Variants in ECI2 observed in about 807,000 individuals in gnomAD.
The protein encoded by ECI2 is enoyl-CoA delta isomerase 2.
A neutral mutation model predicts 38.4 loss-of-function variants in ECI2; 27 were observed. The observed-to-expected ratio is 0.70, with a 90% CI of 0.52 to 0.97. The LOEUF (loss-of-function observed/expected upper bound fraction) is 0.97, where lower values mean the gene tolerates loss of function less well. Ranked by LOEUF, ECI2 falls within the 50% of genes least tolerant of loss-of-function variation. The pLI is 0.00. For missense variants in ECI2, 470 were observed against 474.4 expected, an observed-to-expected ratio of 0.99 and a Z score of 0.09; for synonymous variants, 168 against 172.0, an observed-to-expected ratio of 0.98 and a Z score of 0.18.
At position 4,116,005 on chromosome 6, in the gene ECI2, T is replaced by C. The variant is rs746427545; in HGVS notation, c.1054A>G (p.Ile352Val). Reference protein sequence around the residue: ...PNALRISKEVIRKREREKLHA... With the variant: ...PNALRISKEVVRKREREKLHA... The stretch of plus-strand genomic sequence containing the variant: ...AGTTTTTCTCTCTCTCTTTTCCTGA[T>C]TACCTCTTTTGAAATTCTCAAGGCC... Residue 352 changes from isoleucine (I) to valine (V), a missense_variant, in exon 10 of 10, where the codon ATC becomes GTC. Ile to Val is a conservative substitution (Grantham distance 29). Transcript: ENST00000380118. The C allele has an allele frequency of 3.7e-6, 6 of 1,613,592 alleles. No individual in the cohort carries two copies. Among genetic ancestry groups the C allele is most frequent in the Non-Finnish European group, 5.1e-6 (6 of 1,179,884 alleles).
intron 2 of ECI2, 22 bp downstream of exon 2, chr6:4,133,527 A>G: frequency 6.3e-7 from 1 of 1,579,240 alleles, no homozygotes; most frequent in Non-Finnish European, 8.6e-7. Context: ...TCTTTAAATA[A>G]CGTTCGACCG....
In ECI2 at chr6:4,116,007, A is replaced by C; in HGVS notation, c.1052T>G (p.Val351Gly). 2 of 1,613,444 alleles carry C rather than the reference A, an allele frequency of 1.2e-6. No individual in the cohort carries two copies. The highest frequency in any genetic ancestry group is 8.5e-7 in the Non-Finnish European group (1 of 1,179,806). ...TTTTTCTCTCTCTCTTTTCCTGATT[A>C]CCTCTTTTGAAATTCTCAAGGCCTG... is the stretch of plus-strand genomic sequence containing the variant. ...PPNALRISKE[V>G]IRKREREKLH... Residue 351 changes from valine to glycine, a missense_variant, in exon 10 of 10, where the codon GTA becomes GGA. Coordinates refer to ENST00000380118, the MANE Select transcript of ECI2 (RefSeq NM_206836.3).
chr6:4,122,110 T>A lies in ECI2; in HGVS notation c.796-2835A>T, dbSNP rs1581972584. On this transcript the variant is annotated intron_variant, in intron 7 of 9. Transcript: ENST00000380118. ...TGATTTTCAGAAAGAGAGCAGCAGGTGGAGTTAAGGGTTTAGGCTCTGGCG... is the reference window on the plus strand; with the variant it reads ...TGATTTTCAGAAAGAGAGCAGCAGGAGGAGTTAAGGGTTTAGGCTCTGGCG... 3 of 1,043,832 alleles carry A rather than the reference T, an allele frequency of 2.9e-6. No homozygotes were observed. The East Asian group carries it at 7.6e-5, about 27-fold the overall frequency. The allele number at this position is 1,043,832 out of a possible 1,614,324, so 64.7% of individuals were successfully genotyped here.
At chr6:4,133,176 G>T (rs1000932176) in intron 2 of ECI2, among the ~76,000 whole-genome samples, 1 of 152,030 alleles carries the variant, frequency 6.6e-6, no homozygotes, top group African/African-American at 2.4e-5. Flanking sequence ...ATATAACCTT[G>T]ACACCATTAA....
chr6:4,131,133 C>G (rs1254054396), intron 2 of ECI2, among the ~76,000 whole-genome samples: 1 of 151,394 alleles, frequency 6.6e-6, no homozygotes, highest in African/African-American at 2.4e-5. Flanking sequence ...CTAAAAAAAT[C>G]TAATGGTTCA....
chr6:4,121,883 A>G, intron 7 of ECI2: 1 of 898,588 alleles, frequency 1.1e-6, no homozygotes, highest in Non-Finnish European at 1.7e-6. Flanking sequence ...GCATATACAT[A>G]AAAATAATCA....
At chr6:4,130,245 C>T (rs984629689) in intron 4 of ECI2, 127 bp downstream of exon 4, 1 of 1,613,452 alleles carries the variant, frequency 6.2e-7, no homozygotes, top group African/African-American at 1.3e-5. Context: ...CAATTACCAA[C>T]CTTCCTGCAC....
intron 1 of ECI2, chr6:4,135,102 G>A (rs1322631395): frequency 8.3e-6 from 4 of 479,088 alleles, no homozygotes; most frequent in South Asian, 4.6e-5. Flanking sequence ...GAGTGATAAC[G>A]GCTTGCGTTT....
At position 4,133,635 on chromosome 6, in the gene ECI2, AG is replaced by A. The variant is rs768335341; in HGVS notation, c.126del (p.Phe43LeufsTer5). 6.2e-7 allele frequency: 1 copy of A among 1,614,020 alleles called. No homozygotes were observed. Among genetic ancestry groups the A allele is most frequent in the East Asian group, 2.2e-5 (1 of 44,868 alleles). On this transcript the variant is annotated frameshift_variant, in exon 2 of 10. Transcript: ENST00000380118. LOFTEE classifies it high-confidence loss of function. ...NRTAMRASQK[D>X]FENSMNQVKL... is the part of the protein sequence containing the mutation. The stretch of plus-strand genomic sequence containing the variant: ...TTCACTTGATTCATTGAATTTTCAA[AG>A]TCCTTCTGACTGGCTCTCATTGCTG...
chr6:4,117,189 G>GCCT, intron 9 of ECI2, 119 bp downstream of exon 9: 1 of 1,264,218 alleles, frequency 7.9e-7, no homozygotes, highest in East Asian at 2.5e-5. Context: ...ATTTAGATGT[G>GCCT]CTTAGAGGTA....
intron 6 of ECI2, 133 bp downstream of exon 6, chr6:4,126,002 A>T (rs1449387917): frequency 2.7e-6 from 2 of 743,730 alleles, no homozygotes; most frequent in Admixed American, 2.2e-5. Flanking sequence ...AGTTTAGAGA[A>T]ATATGCTTGT....
chr6:4,126,107 G>C, intron 6 of ECI2, 28 bp downstream of exon 6: 2 of 1,584,130 alleles, frequency 1.3e-6, no homozygotes, highest in Non-Finnish European at 1.7e-6. Context: ...GGGCCCTCTG[G>C]GATCAGACAA....
intron 4 of ECI2, among the ~76,000 whole-genome samples, chr6:4,129,678 C>T (rs1247627142): frequency 6.6e-6 from 1 of 152,136 alleles, no homozygotes; most frequent in Non-Finnish European, 1.5e-5. Flanking sequence ...TGACACATAT[C>T]CTACTTCATG....
intron 7 of ECI2, among the ~76,000 whole-genome samples, chr6:4,121,574 G>A (rs1428161497): frequency 6.6e-6 from 1 of 151,944 alleles, no homozygotes; most frequent in African/African-American, 2.4e-5. Context: ...TGTTACATGA[G>A]TTGAAAAATT....
chr6:4,123,421 C>G (rs548906877), intron 7 of ECI2, among the ~76,000 whole-genome samples: 2 of 152,028 alleles, frequency 1.3e-5, no homozygotes, highest in African/African-American at 4.8e-5. Flanking sequence ...AGGTGATCTG[C>G]CCACCTCAAT....
At chr6:4,121,950 A>G (rs1383013671) in intron 7 of ECI2, 11 of 1,563,834 alleles carry the variant, frequency 7.0e-6, no homozygotes, top group African/African-American at 2.8e-5. Context: ...ATCCAAAAGA[A>G]AACTTATTCA....
At chr6:4,121,369 C>T (rs1248001463) in intron 7 of ECI2, among the ~76,000 whole-genome samples, 2 of 152,160 alleles carry the variant, frequency 1.3e-5, no homozygotes, top group Non-Finnish European at 1.5e-5. Context: ...ATTAGAGCGT[C>T]AGGCAAATCT....
intron 4 of ECI2, 146 bp downstream of exon 4, chr6:4,130,226 A>C: frequency 1.2e-6 from 2 of 1,613,600 alleles, no homozygotes; most frequent in Non-Finnish European, 1.7e-6. Context: ...CTGTTGTATG[A>C]AGTAGCCACA....
chr6:4,133,788 C>T, intron 1 of ECI2, 77 bp from the exon 2 acceptor site: 1 of 1,458,182 alleles, frequency 6.9e-7, no homozygotes, highest in Non-Finnish European at 9.0e-7. Context: ...TGTTCCCAGC[C>T]TATACATAAC....
Sources: allele counts gnomAD v4.1 joint callset (sites outside exome capture counted in the v4.1 genomes callset), GRCh38; gene constraint gnomAD v4.1.1; transcripts MANE v1.5; gene names NCBI Gene and HGNC (gene_info 2026-07-23, HGNC 2026-07-21).